Variants in PRPSAP1 observed in about 807,000 individuals in gnomAD.
PRPSAP1 encodes the protein phosphoribosyl pyrophosphate synthetase associated protein 1.
PRPSAP1 carries 31 observed loss-of-function variants against 39.4 expected under a neutral mutation model. The ratio of observed to expected loss-of-function variants is 0.79; its 90% CI spans 0.59 to 1.06. PRPSAP1 has a LOEUF of 1.06. Among genes scored for constraint, PRPSAP1 ranks in the 50% least tolerant of loss-of-function variants. The probability of loss-of-function intolerance (pLI) is 0.00; values close to 1 mark genes in which losing one functional copy is unlikely to be tolerated. For missense variants in PRPSAP1, 430 were observed against 511.6 expected, an observed-to-expected ratio of 0.84 and a Z score of 1.54; for synonymous variants, 212 against 192.6, an observed-to-expected ratio of 1.10 and a Z score of -0.83.
At chr17:76,344,456 A>G (rs1359180813) in intron 3 of PRPSAP1, among the ~76,000 whole-genome samples, 2 of 134,090 alleles carry the variant, frequency 1.5e-5, no homozygotes, top group African/African-American at 5.6e-5. Flanking sequence ...TAACAGAGAC[A>G]GGGTTTCAAC....
At chr17:76,331,142 T>C (rs1307917177) in intron 4 of PRPSAP1, among the ~76,000 whole-genome samples, 1 of 152,202 alleles carries the variant, frequency 6.6e-6, no homozygotes, top group Non-Finnish European at 1.5e-5. Context: ...ATAATTTCTG[T>C]ATGTAACAAA....
At chr17:76,324,320 C>T (rs1045313336) in intron 7 of PRPSAP1, among the ~76,000 whole-genome samples, 2 of 147,482 alleles carry the variant, frequency 1.4e-5, no homozygotes, top group South Asian at 2.2e-4. Flanking sequence ...TGCTGTCAGC[C>T]GGGCGCAGTG....
intron 7 of PRPSAP1, among the ~76,000 whole-genome samples, chr17:76,317,597 G>A (rs1012537089): frequency 2.6e-5 from 4 of 152,198 alleles, no homozygotes; most frequent in Non-Finnish European, 5.9e-5. Context: ...CTGATTTCAA[G>A]CTCATAACCC....
chr17:76,320,098 T>C (rs539278023), intron 7 of PRPSAP1, among the ~76,000 whole-genome samples: 9 of 151,972 alleles, frequency 5.9e-5, no homozygotes, highest in African/African-American at 1.4e-4. Flanking sequence ...GGCGAAACCC[T>C]GTCTCTACTA....
intron 1 of PRPSAP1, among the ~76,000 whole-genome samples, chr17:76,349,156 C>T (rs564299674): frequency 1.3e-5 from 2 of 151,770 alleles, no homozygotes; most frequent in African/African-American, 4.8e-5. Flanking sequence ...AATACAAAAT[C>T]AGCTGGGCAT....
intron 3 of PRPSAP1, among the ~76,000 whole-genome samples, chr17:76,337,139 G>C (rs1342122208): frequency 6.6e-6 from 1 of 151,990 alleles, no homozygotes; most frequent in Non-Finnish European, 1.5e-5. Flanking sequence ...AGCTGGTCTT[G>C]TACTCCTGGG....
chr17:76,336,809 T>A (rs1445339063), intron 3 of PRPSAP1, among the ~76,000 whole-genome samples: 1 of 148,544 alleles, frequency 6.7e-6, no homozygotes, highest in African/African-American at 2.5e-5. Context: ...GGATTCAACA[T>A]CCTCCAGCCC....
intron 3 of PRPSAP1, among the ~76,000 whole-genome samples, chr17:76,339,132 C>T (rs1216417206): frequency 2.0e-5 from 3 of 151,312 alleles, no homozygotes; most frequent in African/African-American, 4.9e-5. Context: ...TGACTGGGCA[C>T]GGTGGCTCAC....
In PRPSAP1 at chr17:76,349,199, G is replaced by A. The variant is rs990835102; in HGVS notation, c.171-618C>T. Among the ~76,000 whole-genome samples the A allele has an allele frequency of 8.6e-5, 13 of 151,832 alleles. No homozygotes were observed. In the East Asian group the frequency reaches 2.5e-3, roughly 29 times the overall value. ...CATGCCTGTAATCTCAGCTACTAGG[G>A]AGGCTGAGGCAGGAGAATTGCTTGA... On this transcript the variant is annotated intron_variant, in intron 1 of 9. Coordinates refer to ENST00000446526, the MANE Select transcript of PRPSAP1 (RefSeq NM_002766.3).
intron 6 of PRPSAP1, 193 bp from the exon 7 acceptor site, chr17:76,329,055 A>T: frequency 1.1e-5 from 6 of 561,056 alleles, no homozygotes; most frequent in Non-Finnish European, 1.7e-5. Context: ...AGGGTTTGGG[A>T]TTGTATCTGA....
Position 76,330,318 on chromosome 17 carries a change from A to G in PRPSAP1, c.580-220T>C, listed in dbSNP as rs1598527748. On this transcript the variant is annotated intron_variant, in intron 5 of 9. Transcript: ENST00000446526. ...TTTAAAAATAATTCTTAAAACATTC[A>G]TTTTAGAAAACATAAGCAAATTGCT... The G allele has an allele frequency of 3.3e-5, 20 of 603,158 alleles. No individual in the cohort carries two copies. The East Asian group carries it at 5.6e-4, about 17-fold the overall frequency. 37.4% of individuals were successfully genotyped at this position (603,158 alleles called of 1,614,324 possible). A position where few individuals can be genotyped will look rare whatever the true frequency, so the allele number is the denominator to read the frequency against.
intron 7 of PRPSAP1, among the ~76,000 whole-genome samples, chr17:76,327,306 C>A (rs2071264967): frequency 6.6e-6 from 1 of 151,434 alleles, no homozygotes; most frequent in African/African-American, 2.4e-5. Context: ...CAAGATCATG[C>A]CACTGCACTC....
chr17:76,353,692 C>A lies in PRPSAP1; in HGVS notation c.12G>T (p.Lys4Asn). 2.7e-6 allele frequency: 4 copies of A among 1,491,376 alleles called. No individual in the cohort carries two copies. The highest frequency in any genetic ancestry group is 1.3e-5 in the South Asian group (1 of 77,404). The allele number at this position is 1,491,376 out of a possible 1,614,324, so 92.4% of individuals were successfully genotyped here. The change falls in exon 1 of 10, where the codon AAG (lysine) becomes AAT (asparagine). Residue 4 changes from lysine to asparagine, a missense_variant. Physicochemically the swap from Lys to Asn is moderately conservative, Grantham distance 94. Around this residue, in one of 2 missense-constraint regions of PRPSAP1, gnomAD observed 152 missense variants for 135.2 expected, o/e 1.12. Transcript: ENST00000446526. Reference protein sequence around the residue: MPKKLLLLPPPSAS... With the variant: MPKNLLLLPPPSAS... ...CGGAGGGCGGGGGCAACAGCAGCAG[C>A]TTCTTGGGCATCGTCCGGCCCGCGG...
At chr17:76,327,546 G>A (rs1206546290) in intron 7 of PRPSAP1, among the ~76,000 whole-genome samples, 1 of 151,888 alleles carries the variant, frequency 6.6e-6, no homozygotes, top group Non-Finnish European at 1.5e-5. Flanking sequence ...CCAGCCACTG[G>A]AGAGGCTGAG....
intron 7 of PRPSAP1, among the ~76,000 whole-genome samples, chr17:76,319,666 A>G (rs143844720): frequency 5.3e-5 from 8 of 151,462 alleles, no homozygotes; most frequent in Non-Finnish European, 8.8e-5. Context: ...ACGGGGTTTC[A>G]CCGTGTTGGC....
intron 3 of PRPSAP1, among the ~76,000 whole-genome samples, chr17:76,339,942 G>A (rs2071417771): frequency 2.0e-5 from 3 of 151,322 alleles, no homozygotes; most frequent in African/African-American, 7.3e-5. Context: ...GACCAGCCTG[G>A]GCAACATGGC....
Position 76,328,734 on chromosome 17 carries a change from G to A in PRPSAP1, c.764C>T (p.Pro255Leu). The A allele has an allele frequency of 6.2e-7, 1 of 1,614,140 alleles. No homozygotes were observed. The highest frequency in any genetic ancestry group is 8.5e-7 in the Non-Finnish European group (1 of 1,180,014). ...CATCTTACATGGCAACTCCAGGCCT[G>A]GGTGCACAGTAGCATTTTTGACCAT... is the stretch of plus-strand genomic sequence containing the variant. ...PPMVKNATVH[P>L]GLELPLMMAK... The change falls in exon 7 of 10, where the codon CCA becomes CTA. Residue 255 changes from proline (P) to leucine (L), a missense_variant. Pro to Leu is a moderately conservative substitution (Grantham distance 98). This residue lies in a region of PRPSAP1 where 278 missense variants were observed against 376.3 expected (regional missense o/e 0.74). Transcript: ENST00000446526.
intron 9 of PRPSAP1, among the ~76,000 whole-genome samples, chr17:76,312,188 C>G (rs1427806827): frequency 1.3e-5 from 2 of 152,128 alleles, no homozygotes; most frequent in African/African-American, 2.4e-5. Flanking sequence ...TGCTTGTAAT[C>G]CTAGCACTTT....
chr17:76,353,363 G>A, intron 1 of PRPSAP1, 171 bp downstream of exon 1: 2 of 649,242 alleles, frequency 3.1e-6, no homozygotes, highest in Non-Finnish European at 4.8e-6. Context: ...CTGCAAAACC[G>A]GGGAGCGGGG....
Sources: allele counts gnomAD v4.1 joint callset (sites outside exome capture counted in the v4.1 genomes callset), GRCh38; gene constraint gnomAD v4.1.1; regional missense constraint gnomAD v4.1.1; transcripts MANE v1.5; gene names NCBI Gene and HGNC (gene_info 2026-07-23, HGNC 2026-07-21).